The following VTI1A variants were observed in gnomAD, a reference collection of about 807,000 sequenced individuals.
VTI1A encodes vesicle transport through interaction with t-SNAREs homolog 1A.
VTI1A carries 22 observed loss-of-function variants against 34.9 expected under a neutral mutation model. That is an observed-to-expected ratio of 0.63 (90% confidence interval 0.45 to 0.90). The LOEUF (loss-of-function observed/expected upper bound fraction) is 0.90, where lower values mean the gene tolerates loss of function less well. Ranked by LOEUF, VTI1A falls within the 40% of genes least tolerant of loss-of-function variation. The probability of loss-of-function intolerance (pLI) is 0.00; values close to 1 mark genes in which losing one functional copy is unlikely to be tolerated. For missense variants in VTI1A, 268 were observed against 275.6 expected (o/e 0.97, Z 0.20); for synonymous variants, 87 against 97.3 (o/e 0.89, Z 0.62).
intron 1 of VTI1A, among the ~76,000 whole-genome samples, chr10:112,456,663 C>A (rs1012979589): frequency 6.6e-6 from 1 of 152,148 alleles, no homozygotes; most frequent in African/African-American, 2.4e-5. Context: ...TCTATCTACT[C>A]AATTTCCTAT....
intron 7 of VTI1A, among the ~76,000 whole-genome samples, chr10:112,682,730 C>T (rs1339197221): frequency 6.6e-6 from 1 of 152,308 alleles, no homozygotes; most frequent in East Asian, 1.9e-4. Context: ...ATGTCAGGGC[C>T]AAGAAACAGC....
intron 7 of VTI1A, among the ~76,000 whole-genome samples, chr10:112,792,602 C>T (rs1852522459): frequency 6.6e-6 from 1 of 152,150 alleles, no homozygotes; most frequent in African/African-American, 2.4e-5. Context: ...AAAATTAAAA[C>T]ATTTCCTTCC....
chr10:112,543,566 A>AT (rs1433207725), intron 5 of VTI1A, among the ~76,000 whole-genome samples: 3 of 152,076 alleles, frequency 2.0e-5, no homozygotes, highest in Admixed American at 2.0e-4. Flanking sequence ...TTCTTTGTAG[A>AT]TTCTGGATAT....
chr10:112,644,274 G>A (rs1846690139), intron 5 of VTI1A, among the ~76,000 whole-genome samples: 1 of 152,178 alleles, frequency 6.6e-6, no homozygotes, highest in Non-Finnish European at 1.5e-5. Flanking sequence ...AAAAGAAACT[G>A]CTTAGGATTT....
chr10:112,853,197 T>C, the VTI1A span, among the ~76,000 whole-genome samples: 622 of 152,288 alleles, frequency 4.1e-3, 5 homozygotes, highest in African/African-American at 0.014. Context: ...GGGTGACAAG[T>C]TAAAGCTCAC....
At chr10:112,838,045 G>C in the VTI1A span, among the ~76,000 whole-genome samples, 6,822 of 152,316 alleles carry the variant, frequency 0.045, 537 homozygotes, top group African/African-American at 0.15. Context: ...TGAAGTCATG[G>C]CACTATTCAG....
rs60129148 is a variant in VTI1A at position 112,712,474 on chromosome 10, TCACACACACA to T, written c.560+43505_560+43514del. Among the ~76,000 whole-genome samples the T allele has an allele frequency of 3.8e-4, 55 of 143,484 alleles. No individual in the cohort carries two copies. In the South Asian group the frequency reaches 6.3e-3, roughly 16 times the overall value. The allele number at this position is 143,484 out of a possible 152,430, so 94.1% of individuals were successfully genotyped here. A position where few individuals can be genotyped will look rare whatever the true frequency, so the allele number is the denominator to read the frequency against. On this transcript the variant is annotated intron_variant, in intron 7 of 7. Coordinates refer to ENST00000393077, the MANE Select transcript of VTI1A (RefSeq NM_145206.4). ...TACAGCTAAATGAGATCAACTATTA[TCACACACACA>T]CACACACACACACACACACACACAC...
At chr10:112,854,963 C>T in the VTI1A span, among the ~76,000 whole-genome samples, 1 of 152,174 alleles carries the variant, frequency 6.6e-6, no homozygotes, top group Non-Finnish European at 1.5e-5. Context: ...TCAGTAACCA[C>T]AGGATTCTTT....
chr10:112,652,705 C>T (rs1247176850), intron 5 of VTI1A, among the ~76,000 whole-genome samples: 1 of 127,188 alleles, frequency 7.9e-6, no homozygotes, highest in African/African-American at 3.3e-5. Context: ...CTAGCCTGGG[C>T]AACAGAGTGA....
Position 112,816,413 on chromosome 10 carries a change from C to T in VTI1A, c.*1030C>T, listed in dbSNP as rs1853524045. The T allele has an allele frequency of 4.4e-6, 1 of 224,962 alleles. No homozygotes were observed. The allele number at this position is 224,962 out of a possible 1,614,324, so 13.9% of individuals were successfully genotyped here. A position where few individuals can be genotyped will look rare whatever the true frequency, so the allele number is the denominator to read the frequency against. Reference sequence around the variant, plus strand: ...TTCACGGAAAACGTTCCCTAACCTCCTTTAAAAGAATAGAGGATGGCAGAT... The same window carrying T: ...TTCACGGAAAACGTTCCCTAACCTCTTTTAAAAGAATAGAGGATGGCAGAT... On this transcript the variant is annotated 3_prime_UTR_variant, in exon 8 of 8. Coordinates refer to ENST00000393077, the MANE Select transcript of VTI1A (RefSeq NM_145206.4).
the VTI1A span, among the ~76,000 whole-genome samples, chr10:112,851,746 G>A: frequency 6.6e-6 from 1 of 152,124 alleles, no homozygotes; most frequent in Non-Finnish European, 1.5e-5. Context: ...CTAGGGAGAC[G>A]CATTTGAACT....
At chr10:112,469,939 C>G (rs1402046649) in intron 3 of VTI1A, among the ~76,000 whole-genome samples, 1 of 152,210 alleles carries the variant, frequency 6.6e-6, no homozygotes, top group Non-Finnish European at 1.5e-5. Flanking sequence ...CAGTGACTTG[C>G]TGCACTCCCT....
chr10:112,669,178 C>T (rs910398147), intron 7 of VTI1A, among the ~76,000 whole-genome samples, 180 bp downstream of exon 7: 1 of 152,140 alleles, frequency 6.6e-6, no homozygotes, highest in East Asian at 1.9e-4. Flanking sequence ...GGGACACATA[C>T]TAACACAGAT....
At chr10:112,501,545 A>G (rs1849234964) in intron 3 of VTI1A, among the ~76,000 whole-genome samples, 1 of 152,170 alleles carries the variant, frequency 6.6e-6, no homozygotes, top group African/African-American at 2.4e-5. Context: ...TCAACATTTT[A>G]CCTACTTTGA....
Position 112,574,726 on chromosome 10 carries a change from T to TG in VTI1A, c.427+36396_427+36397insG, listed in dbSNP as rs1248939663. 2.6e-5 allele frequency among the ~76,000 whole-genome samples: 4 copies of TG among 152,156 alleles called. No homozygotes were observed. In the South Asian group the frequency reaches 8.3e-4, roughly 32 times the overall value. On this transcript the variant is annotated intron_variant, in intron 5 of 7. Transcript: ENST00000393077. Reference sequence around the variant, plus strand: ...ATTAGGCACTAGGAGCAACATAAAATCGAATGGACATGACAGAAGTAAATG... The same window carrying TG: ...ATTAGGCACTAGGAGCAACATAAAATGCGAATGGACATGACAGAAGTAAATG...
At chr10:112,784,642 C>G (rs762737937) in intron 7 of VTI1A, among the ~76,000 whole-genome samples, 1 of 152,150 alleles carries the variant, frequency 6.6e-6, no homozygotes, top group Non-Finnish European at 1.5e-5. Context: ...CTTTTTAAAG[C>G]AAGTCAGTGG....
chr10:112,563,270 C>T (rs554956386), intron 5 of VTI1A, among the ~76,000 whole-genome samples: 4 of 152,266 alleles, frequency 2.6e-5, no homozygotes, highest in South Asian at 2.1e-4. Flanking sequence ...GCTTGAACTA[C>T]GGTAGCTAAG....
At chr10:112,594,236 A>G (rs1844525864) in intron 5 of VTI1A, among the ~76,000 whole-genome samples, 1 of 152,116 alleles carries the variant, frequency 6.6e-6, no homozygotes, top group African/African-American at 2.4e-5. Context: ...TGGTCACTTC[A>G]CACCGTGCAC....
chr10:112,448,518 A>T (rs7075980), intron 1 of VTI1A: 50,892 of 152,048 alleles, frequency 0.33, 11,197 homozygotes, highest in African/African-American at 0.63. Flanking sequence ...TTTTGTAACT[A>T]TGGTTTGTAC....
Sources: gnomAD v4.1 joint callset for allele counts (sites outside exome capture counted in the v4.1 genomes callset) on GRCh38, gnomAD v4.1.1 for gene constraint, MANE v1.5 for transcripts, NCBI Gene and HGNC (gene_info 2026-07-23, HGNC 2026-07-21) for gene names.